Variants in PTPRS observed in about 807,000 individuals in gnomAD.
PTPRS encodes the protein protein tyrosine phosphatase receptor type S, also known as receptor-type tyrosine-protein phosphatase S.
In PTPRS, 63 loss-of-function variants were observed where a neutral mutation model predicts 215.3. That is an observed-to-expected ratio of 0.29 (90% confidence interval 0.24 to 0.36). PTPRS has a LOEUF of 0.36. PTPRS is among the 10% of genes least tolerant of loss of function. PTPRS has a pLI of 1.00. For missense variants in PTPRS, 2,258 were observed against 2,825.8 expected (o/e 0.80, Z 4.56); for synonymous variants, 1,404 against 1,191.4 (o/e 1.18, Z -3.68).
In PTPRS at chr19:5,257,503, C is replaced by G. The variant is rs1049191718; in HGVS notation, c.706+514G>C. On this transcript the variant is annotated intron_variant, in intron 8 of 37. Transcript: ENST00000262963. This position sits in a 1 kb window ranked among gnomAD's most constrained non-coding sequence, Gnocchi z 4.4. ...TGGTGGGGGGTGGGAGGGGCAGCCT[C>G]GAAGACCCCTCCTCAACTTCTAGAT... 6.6e-6 allele frequency: 3 copies of G among 454,886 alleles called. No homozygotes were observed. Among genetic ancestry groups the G allele is most frequent in the Admixed American group, 4.7e-5 (2 of 42,428 alleles). 28.2% of individuals were successfully genotyped at this position (454,886 alleles called of 1,614,324 possible).
At chr19:5,225,116 A>G (rs973723846) in intron 17 of PTPRS, among the ~76,000 whole-genome samples, 1 of 152,090 alleles carries the variant, frequency 6.6e-6, no homozygotes, top group African/African-American at 2.4e-5. Context: ...TTTGGCTGGA[A>G]AAAAAAGCCA....
Position 5,214,347 on chromosome 19 carries a change from A to T in PTPRS, c.4614+14T>A. On this transcript the variant is annotated intron_variant, in intron 30 of 37. Coordinates refer to ENST00000262963, the MANE Select transcript of PTPRS (RefSeq NM_002850.4). ...TCCTCCACCCTCAGCCCCCAGCCCC[A>T]GCCTGGGCCCCACCTTGTGCAGAGA... is the stretch of plus-strand genomic sequence containing the variant. The T allele has an allele frequency of 6.2e-7, 1 of 1,613,846 alleles. No homozygotes were observed. Among genetic ancestry groups the T allele is most frequent in the African/African-American group, 1.3e-5 (1 of 74,960 alleles).
intron 1 of PTPRS, among the ~76,000 whole-genome samples, chr19:5,303,902 G>A (rs757632312): frequency 7.4e-6 from 1 of 134,430 alleles, no homozygotes; most frequent in Admixed American, 7.7e-5. Context: ...TGTGAGCCAA[G>A]ATCACACCAC....
At chr19:5,219,038 T>C (rs747217587) in intron 23 of PTPRS, 8 of 633,084 alleles carry the variant, frequency 1.3e-5, no homozygotes, top group African/African-American at 3.7e-5. Flanking sequence ...GCTATCCTCA[T>C]TGAACTGGAC....
At chr19:5,322,475 G>A (rs371086962) in intron 1 of PTPRS, among the ~76,000 whole-genome samples, 9 of 152,206 alleles carry the variant, frequency 5.9e-5, no homozygotes, top group East Asian at 1.9e-4. Context: ...AGAAGCAGCC[G>A]CGGGGACCGA....
rs190112631 is a variant in PTPRS, at chr19:5,301,385, G to A, written c.-94-15151C>T. Among the ~76,000 whole-genome samples, 41 of 149,802 alleles carry A rather than the reference G, an allele frequency of 2.7e-4. 1 individual carries two copies. In the South Asian group the frequency reaches 6.8e-3, roughly 25 times the overall value. On this transcript the variant is annotated intron_variant, in intron 1 of 37. Coordinates refer to ENST00000262963, the MANE Select transcript of PTPRS (RefSeq NM_002850.4). ...GGCTGGAGTACAGTGGCACCATCTCGGCTCCCTGCACCCTCTGCCTCCCAG... is the reference window on the plus strand; with the variant it reads ...GGCTGGAGTACAGTGGCACCATCTCAGCTCCCTGCACCCTCTGCCTCCCAG...
chr19:5,291,661 T>C (rs1364179840), intron 1 of PTPRS, among the ~76,000 whole-genome samples: 1 of 152,084 alleles, frequency 6.6e-6, no homozygotes, highest in Non-Finnish European at 1.5e-5. Flanking sequence ...CCTCTTCGCA[T>C]GCAGGTCCCC....
At chr19:5,316,154 A>G (rs34560843) in intron 1 of PTPRS, among the ~76,000 whole-genome samples, 16,811 of 152,254 alleles carry the variant, frequency 0.11, 967 homozygotes, top group Non-Finnish European at 0.14. Context: ...CCTGGCCCCA[A>G]GCAATCCTCC....
At chr19:5,268,105 C>G (rs921747164) in intron 4 of PTPRS, among the ~76,000 whole-genome samples, 19 of 151,490 alleles carry the variant, frequency 1.3e-4, no homozygotes, top group African/African-American at 2.7e-4. Flanking sequence ...GGGAGGCGGA[C>G]TTTGCAGTGA....
intron 5 of PTPRS, among the ~76,000 whole-genome samples, chr19:5,264,227 C>T (rs1485656405): frequency 1.3e-5 from 2 of 151,970 alleles, no homozygotes; most frequent in African/African-American, 4.8e-5. Flanking sequence ...TCCCCATCAC[C>T]TTACTTGTCA....
In PTPRS at chr19:5,307,611, CAGA is replaced by C. The variant is rs535591031; in HGVS notation, c.-94-21380_-94-21378del. ...AATCCAGCCGCCTACTAAATGTTCACAGAAGATTTCTAGATAAACTGCGCTCTT... is the reference window on the plus strand; with the variant it reads ...AATCCAGCCGCCTACTAAATGTTCACAGATTTCTAGATAAACTGCGCTCTT... On this transcript the variant is annotated intron_variant, in intron 1 of 37. Coordinates refer to ENST00000262963, the MANE Select transcript of PTPRS (RefSeq NM_002850.4). 7.5e-3 allele frequency among the ~76,000 whole-genome samples: 1,144 copies of C among 152,306 alleles called. 15 individuals are homozygous for C. The highest frequency in any genetic ancestry group is 0.013 in the Admixed American group (205 of 15,298).
rs753384829 is a variant in PTPRS, at chr19:5,286,124, C to T, written c.17G>A (p.Gly6Asp). 11 of 1,613,950 alleles carry T rather than the reference C, an allele frequency of 6.8e-6. No individual in the cohort carries two copies. The Admixed American group carries it at 8.3e-5, about 12-fold the overall frequency. The change falls in exon 2 of 38, where the codon GGC (glycine) becomes GAC (aspartate). Residue 6 changes from glycine to aspartate, a missense_variant. Transcript: ENST00000262963. ...ACCAACCACAGACACCATGCCAGGG[C>T]CCCAGGTGGGCGCCATGCTTGGCAG... MAPTW[G>D]PGMVSVVGPM...
chr19:5,283,594 AAAG>A (rs1295619388), intron 2 of PTPRS, among the ~76,000 whole-genome samples: 1 of 152,086 alleles, frequency 6.6e-6, no homozygotes, highest in Non-Finnish European at 1.5e-5. Context: ...AAACAAAAGA[AAAG>A]AAGAACTGAA....
chr19:5,225,690 G>A (rs1414092665), intron 17 of PTPRS, 37 bp downstream of exon 17: 2 of 1,552,700 alleles, frequency 1.3e-6, no homozygotes, highest in African/African-American at 1.4e-5. Context: ...GGGGGCAAAG[G>A]GGCTGTTGGT....
At chr19:5,262,188 T>C (rs1251351143) in intron 6 of PTPRS, among the ~76,000 whole-genome samples, 1 of 152,068 alleles carries the variant, frequency 6.6e-6, no homozygotes, top group Non-Finnish European at 1.5e-5. Flanking sequence ...GGCAGGAGAA[T>C]TGCTTGAATC....
rs2049835558 is a variant in PTPRS at position 5,315,350 on chromosome 19, G to GCT, written c.-95+25313_-95+25314insAG. Among the ~76,000 whole-genome samples the GCT allele has an allele frequency of 9.3e-3, 945 of 101,294 alleles. 284 individuals carry two copies. The highest frequency in any genetic ancestry group is 0.015 in the African/African-American group (358 of 24,630). 66.5% of individuals were successfully genotyped at this position (101,294 alleles called of 152,430 possible). On this transcript the variant is annotated intron_variant, in intron 1 of 37. Coordinates refer to ENST00000262963, the MANE Select transcript of PTPRS (RefSeq NM_002850.4). ...TCATGGAGAATTTTTATTTGAAAAG[G>GCT]GTTTTTTTTTTTTTTTTTTTTTTTT...
rs373288347 is a variant in PTPRS at position 5,223,315 on chromosome 19, A to G, written c.2495-18T>C. On this transcript the variant is annotated intron_variant, in intron 17 of 37. Coordinates refer to ENST00000262963, the MANE Select transcript of PTPRS (RefSeq NM_002850.4). ...GCCCAGCACTGCGGGGATACGGGGC[A>G]GGTGTCAGGGTCCCAGCGCCATCCG... The G allele has an allele frequency of 5.8e-5, 84 of 1,443,064 alleles. No homozygotes were observed. The Middle Eastern group carries it at 6.6e-4, about 11-fold the overall frequency. 89.4% of individuals were successfully genotyped at this position (1,443,064 alleles called of 1,614,324 possible).
chr19:5,261,999 G>A (rs756152079), intron 6 of PTPRS, among the ~76,000 whole-genome samples: 4 of 152,190 alleles, frequency 2.6e-5, no homozygotes, highest in Non-Finnish European at 4.4e-5. Flanking sequence ...CAGGCCGGGC[G>A]TGGTGGCTCA....
chr19:5,224,757 G>A (rs1293050160), intron 17 of PTPRS, among the ~76,000 whole-genome samples: 1 of 152,210 alleles, frequency 6.6e-6, no homozygotes, highest in Non-Finnish European at 1.5e-5. Context: ...AGAGATCACA[G>A]GAGGCTGCTT....
Sources: allele counts gnomAD v4.1 joint callset (sites outside exome capture counted in the v4.1 genomes callset), GRCh38; gene constraint gnomAD v4.1.1; non-coding constraint Gnocchi (gnomAD v3.1); transcripts MANE v1.5; gene names NCBI Gene and HGNC (gene_info 2026-07-23, HGNC 2026-07-21).